TACR3: variants seen among roughly 807,000 people sequenced by gnomAD.
TACR3 encodes the protein neuromedin-K receptor.
TACR3 carries 34 observed loss-of-function variants against 35.0 expected under a neutral mutation model. That is an observed-to-expected ratio of 0.97 (90% CI 0.74 to 1.30). TACR3 has a LOEUF of 1.30. Ranked by LOEUF, TACR3 falls within the 50% of genes most tolerant of loss-of-function variation. The pLI, the probability that TACR3 is intolerant of heterozygous loss-of-function variation, is 0.00. For synonymous variants in TACR3, 233 were observed against 221.1 expected, an observed-to-expected ratio of 1.05 and a Z score of -0.48; for missense variants, 558 against 591.7, an observed-to-expected ratio of 0.94 and a Z score of 0.59.
At chr4:103,652,279 G>C (rs186150185) in intron 3 of TACR3, among the ~76,000 whole-genome samples, 2 of 152,244 alleles carry the variant, frequency 1.3e-5, no homozygotes, top group East Asian at 3.9e-4. Context: ...CGTGGGATGG[G>C]TGACTCCCAT....
Position 103,589,637 on chromosome 4 carries a change from GCAC to G in TACR3, c.*42_*44del. On this transcript the variant is annotated 3_prime_UTR_variant, in exon 5 of 5. Transcript: ENST00000304883. ...AATAGGAGAATGGGGTCCTAGACTG[GCAC>G]CATGATGGTCTCACACTAATCTTTT... The G allele has an allele frequency of 1.2e-6, 2 of 1,607,512 alleles. No individual in the cohort carries two copies. The highest frequency in any genetic ancestry group is 8.5e-7 in the Non-Finnish European group (1 of 1,174,628).
chr4:103,640,275 A>G (rs1364339607), intron 3 of TACR3, among the ~76,000 whole-genome samples: 1 of 152,086 alleles, frequency 6.6e-6, no homozygotes, highest in Non-Finnish European at 1.5e-5. Flanking sequence ...GCTGTGTTAC[A>G]CACAATATCA....
At chr4:103,698,071 C>A (rs971784792) in intron 1 of TACR3, among the ~76,000 whole-genome samples, 1 of 152,064 alleles carries the variant, frequency 6.6e-6, no homozygotes, top group South Asian at 2.1e-4. Context: ...CAATATGAAA[C>A]TAGATTATGT....
intron 3 of TACR3, among the ~76,000 whole-genome samples, chr4:103,599,692 T>C (rs1013671501): frequency 6.6e-6 from 1 of 152,202 alleles, no homozygotes. Flanking sequence ...CAAAGGCCTT[T>C]TCTGCATCTA....
intron 3 of TACR3, among the ~76,000 whole-genome samples, chr4:103,621,410 T>C (rs1170629657): frequency 6.6e-5 from 10 of 152,220 alleles, no homozygotes; most frequent in Admixed American, 6.5e-4. Flanking sequence ...TAAAGAATTT[T>C]AATAAGGGTA....
intron 3 of TACR3, among the ~76,000 whole-genome samples, chr4:103,620,874 C>G (rs1724759747): frequency 7.0e-6 from 1 of 143,034 alleles, no homozygotes; most frequent in African/African-American, 2.8e-5. Context: ...GTACTTGTCT[C>G]TAAAATAAAA....
chr4:103,692,816 G>T (rs1722435342), intron 1 of TACR3, among the ~76,000 whole-genome samples: 1 of 152,054 alleles, frequency 6.6e-6, no homozygotes, highest in Non-Finnish European at 1.5e-5. Flanking sequence ...GAGTTCTGAG[G>T]GGCCAGGTTA....
chr4:103,660,393 C>G (rs567780718), intron 1 of TACR3, among the ~76,000 whole-genome samples: 1 of 151,930 alleles, frequency 6.6e-6, no homozygotes, highest in Non-Finnish European at 1.5e-5. Flanking sequence ...GCTCAGGGCT[C>G]AATGTATATA....
At chr4:103,594,369 G>T (rs750061642) in intron 3 of TACR3, among the ~76,000 whole-genome samples, 2 of 151,872 alleles carry the variant, frequency 1.3e-5, no homozygotes, top group Non-Finnish European at 2.9e-5. Context: ...GTAGAGACAG[G>T]GTGTTACCAT....
intron 3 of TACR3, among the ~76,000 whole-genome samples, chr4:103,622,582 A>T (rs1724807331): frequency 6.6e-6 from 1 of 152,096 alleles, no homozygotes; most frequent in South Asian, 2.1e-4. Flanking sequence ...ATACAAAATT[A>T]GCCAGGCGTG....
At chr4:103,622,097 G>A (rs146960232) in intron 3 of TACR3, among the ~76,000 whole-genome samples, 3 of 152,260 alleles carry the variant, frequency 2.0e-5, no homozygotes, top group East Asian at 3.9e-4. Flanking sequence ...CTTCTCGAAG[G>A]GGGAGTGATC....
In TACR3 at chr4:103,635,161, T is replaced by A. The variant is rs1725159070; in HGVS notation, c.888+21033A>T. Among the ~76,000 whole-genome samples, 3 of 151,932 alleles carry A rather than the reference T, an allele frequency of 2.0e-5. No individual in the cohort carries two copies. In the South Asian group the frequency reaches 6.2e-4, roughly 31 times the overall value. ...GAGACAAAACTACTACATATAAACA[T>A]GACATTGTACTATAAGTATGATTTA... On this transcript the variant is annotated intron_variant, in intron 3 of 4. Coordinates refer to ENST00000304883, the MANE Select transcript of TACR3 (RefSeq NM_001059.3).
At chr4:103,596,468 T>C (rs1241292739) in intron 3 of TACR3, among the ~76,000 whole-genome samples, 1 of 152,054 alleles carries the variant, frequency 6.6e-6, no homozygotes, top group Non-Finnish European at 1.5e-5. Context: ...CGATATCTCA[T>C]TGTGGTTTTG....
intron 3 of TACR3, among the ~76,000 whole-genome samples, chr4:103,624,991 G>C (rs1443947126): frequency 6.6e-6 from 1 of 152,064 alleles, no homozygotes; most frequent in Non-Finnish European, 1.5e-5. Context: ...GGGAAAGGTA[G>C]AGAGGGAGAA....
At chr4:103,690,052 A>G (rs1279415902) in intron 1 of TACR3, among the ~76,000 whole-genome samples, 1 of 152,174 alleles carries the variant, frequency 6.6e-6, no homozygotes, top group East Asian at 1.9e-4. Flanking sequence ...GAAAAAGGCA[A>G]TGGGATGGAA....
rs531281539 is a variant in TACR3, at chr4:103,606,828, A to G, written c.889-15145T>C. Among the ~76,000 whole-genome samples, 137 of 152,248 alleles carry G rather than the reference A, an allele frequency of 9.0e-4. 1 individual carries two copies. The highest frequency in any genetic ancestry group is 3.1e-3 in the African/African-American group (128 of 41,558). On this transcript the variant is annotated intron_variant, in intron 3 of 4. Transcript: ENST00000304883. The stretch of plus-strand genomic sequence containing the variant: ...TACCCTTTATTTCCTTCTCCGGCCT[A>G]ATTGCCCTGTCCAGAACTTCCAACA...
intron 1 of TACR3, among the ~76,000 whole-genome samples, chr4:103,703,785 A>G (rs1348539719): frequency 1.3e-5 from 2 of 152,042 alleles, no homozygotes; most frequent in East Asian, 3.9e-4. Context: ...TAGAAGATGA[A>G]GGAACTTTGG....
At chr4:103,700,463 C>G (rs1416741244) in intron 1 of TACR3, among the ~76,000 whole-genome samples, 2 of 152,052 alleles carry the variant, frequency 1.3e-5, no homozygotes, top group African/African-American at 4.8e-5. Flanking sequence ...TGAACTTAAG[C>G]AAATATTAAA....
At chr4:103,668,958 G>A (rs1043658977) in intron 1 of TACR3, among the ~76,000 whole-genome samples, 7 of 152,002 alleles carry the variant, frequency 4.6e-5, no homozygotes, top group African/African-American at 1.7e-4. Flanking sequence ...ATCAGCTCAA[G>A]GATTTATCAT....
Sources: allele counts gnomAD v4.1 joint callset (sites outside exome capture counted in the v4.1 genomes callset), GRCh38; gene constraint gnomAD v4.1.1; transcripts MANE v1.5; gene names NCBI Gene and HGNC (gene_info 2026-07-23, HGNC 2026-07-21).